The following MYT1L variants were observed in gnomAD, a reference collection of about 807,000 sequenced individuals.
MYT1L encodes myelin transcription factor 1-like protein.
MYT1L carries 12 observed loss-of-function variants against 126.7 expected under a neutral mutation model. That is an observed-to-expected ratio of 0.09 (90% CI 0.06 to 0.15). MYT1L has a LOEUF of 0.15. Among genes scored for constraint, MYT1L ranks in the 10% least tolerant of loss-of-function variants. The pLI is 1.00. For missense variants in MYT1L, 979 were observed against 1,585.2 expected (o/e 0.62, Z 6.49); for synonymous variants, 541 against 604.2 (o/e 0.90, Z 1.53).
intron 8 of MYT1L, among the ~76,000 whole-genome samples, chr2:1,952,820 T>C (rs905775465): frequency 0.029 from 1,033 of 35,958 alleles, 44 homozygotes; most frequent in Non-Finnish European, 0.031. Flanking sequence ...TCCCTTCCTC[T>C]CTCCCTCCCT....
chr2:2,084,267 A>G (rs1558959287), intron 3 of MYT1L, among the ~76,000 whole-genome samples: 1 of 152,246 alleles, frequency 6.6e-6, no homozygotes, highest in Admixed American at 6.5e-5. Context: ...TAAGGAATGG[A>G]AAGTTCAGTT....
chr2:1,975,314 G>C (rs919413602), intron 8 of MYT1L, among the ~76,000 whole-genome samples: 1 of 135,658 alleles, frequency 7.4e-6, no homozygotes, highest in Non-Finnish European at 1.6e-5. Context: ...CTGTGGCAGA[G>C]AGGGTGACGT....
chr2:1,874,321 T>C (rs965685049), intron 18 of MYT1L, among the ~76,000 whole-genome samples: 16 of 151,378 alleles, frequency 1.1e-4, no homozygotes, highest in African/African-American at 3.7e-4. Context: ...GAAGGTCACC[T>C]GCTTTGTGAA....
intron 8 of MYT1L, among the ~76,000 whole-genome samples, chr2:1,958,037 G>A (rs2149366592): frequency 6.6e-6 from 1 of 152,314 alleles, no homozygotes; most frequent in East Asian, 1.9e-4. Context: ...CTTGCCCAGT[G>A]GAAAATGCAT....
chr2:2,236,243 C>T (rs1165970642), intron 2 of MYT1L, among the ~76,000 whole-genome samples: 1 of 148,382 alleles, frequency 6.7e-6, no homozygotes, highest in Non-Finnish European at 1.5e-5. Context: ...CCAACCCAAC[C>T]CAGTACATCC....
chr2:2,285,625 G>C (rs987632675), intron 1 of MYT1L, among the ~76,000 whole-genome samples: 5 of 152,138 alleles, frequency 3.3e-5, no homozygotes, highest in Admixed American at 2.0e-4. Flanking sequence ...CTGCCTAGAA[G>C]CCACACTTTC....
intron 3 of MYT1L, among the ~76,000 whole-genome samples, chr2:2,160,488 G>A (rs2087682414): frequency 6.6e-6 from 1 of 152,202 alleles, no homozygotes; most frequent in Non-Finnish European, 1.5e-5. Context: ...TGTAGGCCAT[G>A]GGCATCACTG....
At chr2:2,276,867 C>A (rs1369686269) in intron 2 of MYT1L, among the ~76,000 whole-genome samples, 1 of 152,208 alleles carries the variant, frequency 6.6e-6, no homozygotes, top group Non-Finnish European at 1.5e-5. Context: ...TGGGCCTGTG[C>A]ATCCAAAGGA....
chr2:1,821,993 ACTC>A (rs1435498346), intron 21 of MYT1L, among the ~76,000 whole-genome samples: 9 of 150,710 alleles, frequency 6.0e-5, no homozygotes, highest in African/African-American at 2.0e-4. Flanking sequence ...CAATTCAACT[ACTC>A]CTCTGTTTTC....
At chr2:2,219,089 G>A (rs1004719085) in intron 2 of MYT1L, among the ~76,000 whole-genome samples, 5 of 152,212 alleles carry the variant, frequency 3.3e-5, no homozygotes, top group Non-Finnish European at 7.3e-5. Context: ...TCAAGAGGAT[G>A]TTGTCTCGCC....
intron 3 of MYT1L, among the ~76,000 whole-genome samples, chr2:2,147,824 G>A (rs1306247163): frequency 6.6e-6 from 1 of 152,212 alleles, no homozygotes; most frequent in African/African-American, 2.4e-5. Flanking sequence ...CGCAGCAGAC[G>A]GCAGATCACT....
At chr2:1,828,717 C>T (rs929622617) in intron 21 of MYT1L, 2 of 152,090 alleles carry the variant, frequency 1.3e-5, no homozygotes, top group Non-Finnish European at 2.9e-5. Context: ...CAACAATTCC[C>T]TTGAGATATA....
chr2:1,982,619 C>T (rs992389242), intron 5 of MYT1L, among the ~76,000 whole-genome samples: 17 of 152,154 alleles, frequency 1.1e-4, no homozygotes, highest in Non-Finnish European at 2.4e-4. Context: ...ACAGAGGGAA[C>T]AGGACGTGTA....
intron 2 of MYT1L, among the ~76,000 whole-genome samples, chr2:2,182,991 G>T (rs1397536293): frequency 6.6e-6 from 1 of 152,182 alleles, no homozygotes; most frequent in African/African-American, 2.4e-5. Flanking sequence ...AGCGGACTCT[G>T]CCACAGAGGT....
At chr2:1,832,738 G>A (rs1001696656) in intron 21 of MYT1L, among the ~76,000 whole-genome samples, 3 of 152,168 alleles carry the variant, frequency 2.0e-5, no homozygotes, top group African/African-American at 7.2e-5. Context: ...TCCCTGTGGT[G>A]AGCTGTGCCT....
intron 3 of MYT1L, among the ~76,000 whole-genome samples, chr2:2,162,573 G>C (rs925358900): frequency 2.0e-5 from 3 of 152,140 alleles, no homozygotes; most frequent in Non-Finnish European, 4.4e-5. Flanking sequence ...TTGGGGTCTG[G>C]ATCTGACTCT....
At chr2:2,048,839 C>T (rs937450574) in intron 4 of MYT1L, among the ~76,000 whole-genome samples, 2 of 152,180 alleles carry the variant, frequency 1.3e-5, no homozygotes, top group Non-Finnish European at 2.9e-5. Flanking sequence ...TTCCACCACA[C>T]TCCGGAATAG....
intron 8 of MYT1L, among the ~76,000 whole-genome samples, chr2:1,951,351 G>C (rs184050607): frequency 6.6e-6 from 1 of 152,122 alleles, no homozygotes; most frequent in African/African-American, 2.4e-5. Flanking sequence ...CAGCAGAGGG[G>C]ACAGAGATGA....
rs1491240885 is a variant in MYT1L at position 2,065,821 on chromosome 2, T to TAC, written c.-303-11699_-303-11698insGT. Reference sequence around the variant, plus strand: ...CTAGGGCATATCAATCTCTCTCTTTTATACACACACACACACACACACACA... The same window carrying TAC: ...CTAGGGCATATCAATCTCTCTCTTTTACATACACACACACACACACACACACA... On this transcript the variant is annotated intron_variant, in intron 3 of 24. Transcript: ENST00000647738. 4.7e-3 allele frequency among the ~76,000 whole-genome samples: 560 copies of TAC among 119,704 alleles called. 3 individuals are homozygous for TAC. The highest frequency in any genetic ancestry group is 0.018 in the African/African-American group (501 of 28,488). The allele number at this position is 119,704 out of a possible 152,430, so 78.5% of individuals were successfully genotyped here.
Sources: gnomAD v4.1 joint callset for allele counts (sites outside exome capture counted in the v4.1 genomes callset) on GRCh38, gnomAD v4.1.1 for gene constraint, MANE v1.5 for transcripts, NCBI Gene and HGNC (gene_info 2026-07-23, HGNC 2026-07-21) for gene names.